The following PTPRD variants were observed in gnomAD, a reference collection of about 807,000 sequenced individuals.
PTPRD encodes the protein protein tyrosine phosphatase receptor type D.
In PTPRD, 34 loss-of-function variants were observed where a neutral mutation model predicts 214.5. That is an observed-to-expected ratio of 0.16 (90% CI 0.12 to 0.21). The LOEUF (loss-of-function observed/expected upper bound fraction) is 0.21, where lower values mean the gene tolerates loss of function less well. Among genes scored for constraint, PTPRD ranks in the 10% least tolerant of loss-of-function variants. PTPRD has a pLI of 1.00. For missense variants in PTPRD, 2,545 were observed against 2,398.7 expected (o/e 1.06, Z -1.27); for synonymous variants, 1,128 against 845.7 (o/e 1.33, Z -5.79).
rs541637511 is a variant in PTPRD at position 10,135,428 on chromosome 9, C to T, written c.-544-101638G>A. On this transcript the variant is annotated intron_variant, in intron 3 of 45. Coordinates refer to ENST00000381196, the MANE Select transcript of PTPRD (RefSeq NM_002839.4). ...GGCCAAACCCAAGATACATAGTCATCGGATTCGCCAAGGTCAATGTGATAG... is the reference window on the plus strand; with the variant it reads ...GGCCAAACCCAAGATACATAGTCATTGGATTCGCCAAGGTCAATGTGATAG... Among the ~76,000 whole-genome samples, 89 of 152,134 alleles carry T rather than the reference C, an allele frequency of 5.9e-4. 1 individual carries two copies. The highest frequency in any genetic ancestry group is 1.9e-3 in the African/African-American group (79 of 41,488).
chr9:9,954,734 G>A (rs971538342), intron 4 of PTPRD, among the ~76,000 whole-genome samples: 8 of 151,856 alleles, frequency 5.3e-5, no homozygotes, highest in African/African-American at 1.9e-4. Flanking sequence ...CAATTTCTGT[G>A]TATATCCCAG....
intron 4 of PTPRD, among the ~76,000 whole-genome samples, chr9:10,025,161 A>G (rs201352215): frequency 1.6e-4 from 25 of 152,130 alleles, no homozygotes; most frequent in South Asian, 1.0e-3. Context: ...TGGGATGGCT[A>G]GGTCAAATGG....
intron 5 of PTPRD, among the ~76,000 whole-genome samples, chr9:9,864,308 G>C (rs1177142233): frequency 6.8e-6 from 1 of 147,510 alleles, no homozygotes; most frequent in African/African-American, 2.5e-5. Flanking sequence ...TCAGTCTTAA[G>C]AAAAAGAAAA....
chr9:9,916,127 C>A (rs1412752107), intron 5 of PTPRD, among the ~76,000 whole-genome samples: 1 of 149,154 alleles, frequency 6.7e-6, no homozygotes, highest in Non-Finnish European at 1.5e-5. Context: ...CTATATTCAG[C>A]AAAACCATCT....
chr9:8,940,129 T>G (rs960635807), intron 11 of PTPRD, among the ~76,000 whole-genome samples: 3 of 151,562 alleles, frequency 2.0e-5, no homozygotes, highest in Non-Finnish European at 4.4e-5. Flanking sequence ...TAGAATGTCC[T>G]ATATTTCAGT....
At chr9:8,948,037 T>C (rs185076535) in intron 11 of PTPRD, among the ~76,000 whole-genome samples, 2,601 of 142,906 alleles carry the variant, frequency 0.018, 75 homozygotes, top group African/African-American at 0.061. Flanking sequence ...TTTTTTTTTT[T>C]TGAGACGGAG....
intron 8 of PTPRD, among the ~76,000 whole-genome samples, chr9:9,447,368 A>G (rs2090789236): frequency 6.6e-6 from 1 of 152,164 alleles, no homozygotes; most frequent in African/African-American, 2.4e-5. Context: ...TTGCAGGCTC[A>G]TGGATGGAGC....
chr9:9,371,978 C>G (rs534585777), intron 9 of PTPRD, among the ~76,000 whole-genome samples: 1 of 152,072 alleles, frequency 6.6e-6, no homozygotes, highest in African/African-American at 2.4e-5. Flanking sequence ...GTCTGAGAGA[C>G]AGTTTGTTAT....
chr9:9,924,093 A>G (rs749784592), intron 5 of PTPRD, among the ~76,000 whole-genome samples: 2 of 152,092 alleles, frequency 1.3e-5, no homozygotes, highest in Non-Finnish European at 2.9e-5. Flanking sequence ...AGAGAATAAT[A>G]TTTATGTAGT....
intron 3 of PTPRD, among the ~76,000 whole-genome samples, chr9:10,244,798 T>C (rs1453764662): frequency 1.3e-5 from 2 of 152,138 alleles, no homozygotes; most frequent in Non-Finnish European, 2.9e-5. Flanking sequence ...TTAGAATGCA[T>C]GCCCTTCTTA....
chr9:8,801,903 AAAAG>A (rs1240302221), intron 11 of PTPRD, among the ~76,000 whole-genome samples: 1 of 152,196 alleles, frequency 6.6e-6, no homozygotes, highest in Non-Finnish European at 1.5e-5. Context: ...CAGTTTTTAA[AAAAG>A]AAAGAAAGGG....
At chr9:9,531,730 T>C (rs974507875) in intron 8 of PTPRD, among the ~76,000 whole-genome samples, 85 of 152,270 alleles carry the variant, frequency 5.6e-4, no homozygotes, top group African/African-American at 2.0e-3. Flanking sequence ...TGAATATTTG[T>C]GCTCAAGGTT....
intron 2 of PTPRD, among the ~76,000 whole-genome samples, chr9:10,484,272 C>T (rs777477634): frequency 1.3e-5 from 2 of 152,032 alleles, no homozygotes; most frequent in African/African-American, 4.8e-5. Context: ...CAGAGTAGTA[C>T]AATGGACATT....
chr9:10,017,355 T>C (rs1248482683), intron 4 of PTPRD, among the ~76,000 whole-genome samples: 1 of 152,150 alleles, frequency 6.6e-6, no homozygotes, highest in Non-Finnish European at 1.5e-5. Context: ...TTATATGTGT[T>C]GCATATATTT....
chr9:9,013,922 T>C (rs140655139), intron 11 of PTPRD, among the ~76,000 whole-genome samples: 3 of 152,270 alleles, frequency 2.0e-5, no homozygotes, highest in African/African-American at 7.2e-5. Context: ...GGATCTTTTG[T>C]TGGGTGCATC....
chr9:8,713,526 G>A (rs148273331), intron 12 of PTPRD: 83 of 1,234,674 alleles, frequency 6.7e-5, no homozygotes, highest in Non-Finnish European at 9.2e-5. Flanking sequence ...AGAAGTCCCC[G>A]CTGCGGGTGA....
At chr9:8,816,055 T>C (rs1600711358) in intron 11 of PTPRD, among the ~76,000 whole-genome samples, 1 of 152,162 alleles carries the variant, frequency 6.6e-6, no homozygotes, top group Non-Finnish European at 1.5e-5. Context: ...AATTCCAGAA[T>C]ACCAAACCAC....
At chr9:10,536,321 C>T (rs368780678) in intron 2 of PTPRD, among the ~76,000 whole-genome samples, 1 of 152,078 alleles carries the variant, frequency 6.6e-6, no homozygotes, top group East Asian at 1.9e-4. Flanking sequence ...TTGTAAGTCA[C>T]AGAATTTTAT....
intron 3 of PTPRD, among the ~76,000 whole-genome samples, chr9:10,070,466 G>A (rs1056051233): frequency 3.3e-5 from 5 of 151,882 alleles, no homozygotes; most frequent in African/African-American, 1.2e-4. Context: ...AATAATTTAT[G>A]CATTTCTATG....
Sources: gnomAD v4.1 joint callset for allele counts (sites outside exome capture counted in the v4.1 genomes callset) on GRCh38, gnomAD v4.1.1 for gene constraint, MANE v1.5 for transcripts, NCBI Gene and HGNC (gene_info 2026-07-23, HGNC 2026-07-21) for gene names.